The following ASB11 variants were observed in gnomAD, a reference collection of about 807,000 sequenced individuals.
ASB11 encodes the protein ankyrin repeat and SOCS box containing 11, also known as ankyrin repeat and SOCS box protein 11.
ASB11 carries 17 observed loss-of-function variants against 20.1 expected under a neutral mutation model. The ratio of observed to expected loss-of-function variants is 0.85; its 90% CI spans 0.58 to 1.27. The LOEUF is 1.27. ASB11 is among the 50% of genes most tolerant of loss of function. The pLI, the probability that ASB11 is intolerant of heterozygous loss-of-function variation, is 0.00. For synonymous variants in ASB11, 107 were observed against 105.6 expected, an observed-to-expected ratio of 1.01 and a Z score of -0.08; for missense variants, 259 against 256.9, an observed-to-expected ratio of 1.01 and a Z score of -0.06.
Position 15,282,991 on chromosome X carries a change from C to A in ASB11, c.*514G>T, listed in dbSNP as rs1007387671. The stretch of plus-strand genomic sequence containing the variant: ...GTATATATATACGTATATATATATA[C>A]GTATATGTATGTATATATATATACG... On this transcript the variant is annotated 3_prime_UTR_variant, in exon 7 of 7. Coordinates refer to ENST00000480796, the MANE Select transcript of ASB11 (RefSeq NM_080873.3). 1.0e-5 allele frequency: 1 copy of A among 97,631 alleles called. No individual in the cohort carries two copies. The highest frequency in any genetic ancestry group is 3.9e-5 in the African/African-American group (1 of 25,693). The allele number at this position is 97,631 out of a possible 1,213,427, so 8.0% of individuals were successfully genotyped here. A position where few individuals can be genotyped will look rare whatever the true frequency, so the allele number is the denominator to read the frequency against.
chrX:15,312,507 C>CA (rs66828848), intron 1 of ASB11, among the ~76,000 whole-genome samples: 1,202 of 61,781 alleles, frequency 0.019, 17 homozygotes, highest in Non-Finnish European at 0.025. Context: ...ATGCAGCTTC[C>CA]AAAAAAAAAA....
chrX:15,289,450 T>C, intron 5 of ASB11, 54 bp downstream of exon 5: 3 of 1,102,152 alleles, frequency 2.7e-6, no homozygotes, highest in South Asian at 2.2e-5. Context: ...TTTGAAGCTG[T>C]AGAAAATCAA....
At chrX:15,297,329 A>G (rs1920976161) in intron 3 of ASB11, among the ~76,000 whole-genome samples, 1 of 112,035 alleles carries the variant, frequency 8.9e-6, no homozygotes, top group African/African-American at 3.2e-5. Context: ...ACATGGTACA[A>G]TAAAGATTTC....
chrX:15,309,627 C>G (rs1366515163), intron 1 of ASB11, among the ~76,000 whole-genome samples: 3 of 110,473 alleles, frequency 2.7e-5, no homozygotes, highest in Non-Finnish European at 3.8e-5. Flanking sequence ...AGGTTGGGGA[C>G]CACTGCTATA....
At chrX:15,283,998 A>T (rs949396876) in intron 6 of ASB11, among the ~76,000 whole-genome samples, 1 of 110,835 alleles carries the variant, frequency 9.0e-6, no homozygotes, top group Non-Finnish European at 1.9e-5. Flanking sequence ...CACGCCTGTA[A>T]TCCCAGCACT....
At chrX:15,313,828 G>C (rs1239839291) in intron 1 of ASB11, among the ~76,000 whole-genome samples, 1 of 110,932 alleles carries the variant, frequency 9.0e-6, no homozygotes, top group Non-Finnish European at 1.9e-5. Context: ...GAGGCGGGCG[G>C]ATCATGAGGT....
In ASB11 at chrX:15,288,054, C is replaced by T. The variant is rs1927439629; in HGVS notation, c.674G>A (p.Gly225Asp). ...LLELGASVDH[G>D]QWLDTPLHAA... is the part of the protein sequence containing the mutation. Reference sequence around the variant, plus strand: ...ATGGAGTGGGGTGTCCAGCCACTGGCCATGGTCGACACTGGCTCCTTAACA... The same window carrying T: ...ATGGAGTGGGGTGTCCAGCCACTGGTCATGGTCGACACTGGCTCCTTAACA... The change falls in exon 6 of 7, where the codon GGC becomes GAC. Residue 225 changes from glycine to aspartate, a missense_variant. By Grantham distance (94) the Gly-to-Asp change is moderately conservative. Transcript: ENST00000480796. The T allele has an allele frequency of 8.3e-7, 1 of 1,207,813 alleles. No individual in the cohort carries two copies. Among genetic ancestry groups the T allele is most frequent in the Admixed American group, 2.2e-5 (1 of 45,412 alleles).
At chrX:15,308,972 A>G (rs1460492565) in intron 1 of ASB11, among the ~76,000 whole-genome samples, 2 of 111,392 alleles carry the variant, frequency 1.8e-5, no homozygotes, top group Non-Finnish European at 3.8e-5. Context: ...GCTGGAGTGC[A>G]GTGGTGCAAT....
chrX:15,283,767 G>A (rs1180344121), intron 6 of ASB11, 138 bp from the exon 7 acceptor site: 6 of 676,981 alleles, frequency 8.9e-6, no homozygotes, highest in East Asian at 3.5e-5. Context: ...TATAGAATGA[G>A]GTAGCGGACA....
At chrX:15,284,079 C>A (rs1360206483) in intron 6 of ASB11, among the ~76,000 whole-genome samples, 1 of 105,572 alleles carries the variant, frequency 9.5e-6, no homozygotes, top group African/African-American at 3.5e-5. Flanking sequence ...GGTGAAACCC[C>A]GTGTCCACTA....
intron 4 of ASB11, among the ~76,000 whole-genome samples, 196 bp downstream of exon 4, chrX:15,292,974 G>C (rs755868973): frequency 8.9e-6 from 1 of 111,955 alleles, no homozygotes; most frequent in South Asian, 3.7e-4. Context: ...TTATAAGTAG[G>C]GCTCTTTTGT....
At chrX:15,284,958 G>C (rs745445940) in intron 6 of ASB11, among the ~76,000 whole-genome samples, 133 of 111,260 alleles carry the variant, frequency 1.2e-3, no homozygotes, top group Non-Finnish European at 2.1e-3. Context: ...CCATGAGATA[G>C]AAAGCTACCT....
At position 15,283,453 on chromosome X, in the gene ASB11, C is replaced by T; in HGVS notation, c.*52G>A. 5 of 1,193,699 alleles carry T rather than the reference C, an allele frequency of 4.2e-6. No homozygotes were observed. Among genetic ancestry groups the T allele is most frequent in the African/African-American group, 1.8e-5 (1 of 56,760 alleles). On this transcript the variant is annotated 3_prime_UTR_variant, in exon 7 of 7. Transcript: ENST00000480796. ...GCTTCTACATTAGGTACTCTAGGTA[C>T]AGCAGACAACAATCTGTGTCATTCC...
chrX:15,314,158 CCAATATTGACTTT>C (rs1921535433), intron 1 of ASB11, among the ~76,000 whole-genome samples: 1 of 109,794 alleles, frequency 9.1e-6, no homozygotes, highest in Non-Finnish European at 1.9e-5. Flanking sequence ...CATGTTCTTG[CCAATATTGACTTT>C]GTTGGACTTC....
intron 6 of ASB11, among the ~76,000 whole-genome samples, chrX:15,285,356 G>C (rs1269639548): frequency 1.8e-5 from 2 of 108,804 alleles, no homozygotes; most frequent in Non-Finnish European, 3.8e-5. Context: ...AGCCAGGCTG[G>C]TCTTGAACTC....
chrX:15,293,886 T>C (rs1230027364), intron 3 of ASB11, among the ~76,000 whole-genome samples: 1 of 26,948 alleles, frequency 3.7e-5, no homozygotes, highest in Non-Finnish European at 6.4e-5. Context: ...GGGACTGTTG[T>C]GGGGTGGGGG....
rs1381693693 is a variant in ASB11 at position 15,288,078 on chromosome X, C to A, written c.656-6G>T. The stretch of plus-strand genomic sequence containing the variant: ...GCCATGGTCGACACTGGCTCCTTAA[C>A]AAAACAGATGGCCACAATTCAACAC... On this transcript the variant is annotated splice_polypyrimidine_tract_variant and splice_region_variant and intron_variant, in intron 5 of 6. Coordinates refer to ENST00000480796, the MANE Select transcript of ASB11 (RefSeq NM_080873.3). The A allele has an allele frequency of 2.5e-6, 3 of 1,200,852 alleles. No homozygotes were observed. The Admixed American group carries it at 6.7e-5, about 27-fold the overall frequency.
intron 6 of ASB11, among the ~76,000 whole-genome samples, chrX:15,284,256 A>AC (rs1387022782): frequency 5.1e-5 from 5 of 97,726 alleles, no homozygotes; most frequent in Non-Finnish European, 7.9e-5. Context: ...CGCCTCAAAA[A>AC]AAAAAAAAAA....
Position 15,283,478 on chromosome X carries a change from C to G in ASB11, c.*27G>C, listed in dbSNP as rs1209135207. 4 of 1,206,422 alleles carry G rather than the reference C, an allele frequency of 3.3e-6. No individual in the cohort carries two copies. The African/African-American group carries it at 5.3e-5, about 16-fold the overall frequency. On this transcript the variant is annotated 3_prime_UTR_variant, in exon 7 of 7. Coordinates refer to ENST00000480796, the MANE Select transcript of ASB11 (RefSeq NM_080873.3). ...CAGCAGACAACAATCTGTGTCATTC[C>G]AAGTATCTTCCCAGGAACACTTAGG...
Sources: gnomAD v4.1 joint callset for allele counts (sites outside exome capture counted in the v4.1 genomes callset) on GRCh38, gnomAD v4.1.1 for gene constraint, MANE v1.5 for transcripts, NCBI Gene and HGNC (gene_info 2026-07-23, HGNC 2026-07-21) for gene names.